The following BRD3 variants were observed in gnomAD, a reference collection of about 807,000 sequenced individuals.
The protein encoded by BRD3 is bromodomain-containing protein 3.
Under a neutral mutation model 66.8 loss-of-function variants are expected in BRD3, and 17 were observed. That is an observed-to-expected ratio of 0.25 (90% CI 0.17 to 0.38). The LOEUF (loss-of-function observed/expected upper bound fraction) is 0.38. Among genes scored for constraint, BRD3 ranks in the 10% least tolerant of loss-of-function variants. The pLI is 1.00. For synonymous variants in BRD3, 421 were observed against 393.2 expected, an observed-to-expected ratio of 1.07 and a Z score of -0.84; for missense variants, 713 against 956.1, an observed-to-expected ratio of 0.75 and a Z score of 3.35.
intron 11 of BRD3, among the ~76,000 whole-genome samples, chr9:134,034,091 G>A: frequency 6.6e-6 from 1 of 152,202 alleles, no homozygotes; most frequent in Non-Finnish European, 1.5e-5. Context: ...AGGGTCATGG[G>A]CCCTGTCTCG....
chr9:134,067,603 G>C lies in BRD3; in HGVS notation c.-114+342C>G, dbSNP rs1830694274. ...GGGCGCGCGGAGGCCGGGCTGGCGC[G>C]GGGCGCGCGGGCCGCGCCAACTCCG... On this transcript the variant is annotated intron_variant, in intron 1 of 11. Coordinates refer to ENST00000303407, the MANE Select transcript of BRD3 (RefSeq NM_007371.4). 3.4e-5 allele frequency among the ~76,000 whole-genome samples: 5 copies of C among 146,926 alleles called. No individual in the cohort carries two copies. In the South Asian group the frequency reaches 1.0e-3, roughly 31 times the overall value.
Position 134,050,435 on chromosome 9 carries a change from G to T in BRD3, c.653C>A (p.Ala218Asp). 1 of 1,612,324 alleles carries T rather than the reference G, an allele frequency of 6.2e-7. No individual in the cohort carries two copies. The change falls in exon 5 of 12, where the codon GCC (alanine) becomes GAC (aspartate). Residue 218 changes from alanine to aspartate, a missense_variant. Transcript: ENST00000303407. ...GATGGGTGTGGCAGGAGGAGGTGGGGCGGCAGCTGGGGGGACTGGGACCGA... is the reference window on the plus strand; with the variant it reads ...GATGGGTGTGGCAGGAGGAGGTGGGTCGGCAGCTGGGGGGACTGGGACCGA... Reference protein sequence around the residue: ...VTSVPVPPAAAPPPPATPIVP... With the variant: ...VTSVPVPPAADPPPPATPIVP...
chr9:134,065,379 G>T (rs1781150831), intron 1 of BRD3, among the ~76,000 whole-genome samples: 1 of 151,622 alleles, frequency 6.6e-6, no homozygotes, highest in Admixed American at 6.6e-5. Context: ...GGCTGAGATC[G>T]TGCCACTGCA....
intron 3 of BRD3, 111 bp downstream of exon 3, chr9:134,052,195 G>A: frequency 7.2e-7 from 1 of 1,391,592 alleles, no homozygotes; most frequent in Non-Finnish European, 9.6e-7. Flanking sequence ...ACCCAGCCAG[G>A]TGAAGCGCTT....
intron 7 of BRD3, 145 bp from the exon 8 acceptor site, chr9:134,042,096 T>C (rs910514169): frequency 3.1e-6 from 3 of 954,610 alleles, no homozygotes; most frequent in South Asian, 3.9e-5. Flanking sequence ...GGGTCCCGCC[T>C]GCCTGGGGGG....
rs745664416 is a variant in BRD3, at chr9:134,033,423, A to G, written c.*167T>C. The G allele has an allele frequency of 8.8e-6, 5 of 570,732 alleles. No individual in the cohort carries two copies. The highest frequency in any genetic ancestry group is 1.6e-5 in the Non-Finnish European group (5 of 318,410). 35.4% of individuals were successfully genotyped at this position (570,732 alleles called of 1,614,324 possible). ...TCTCATCAAGTCTAACGCACACACA[A>G]GATAGATCTCTGACCTATGAAAGCA... On this transcript the variant is annotated 3_prime_UTR_variant, in exon 12 of 12. Transcript: ENST00000303407. This position sits in a 1 kb window ranked among gnomAD's most constrained non-coding sequence, Gnocchi z 5.1.
At chr9:134,060,190 T>G (rs952852968) in intron 1 of BRD3, among the ~76,000 whole-genome samples, 1 of 152,228 alleles carries the variant, frequency 6.6e-6, no homozygotes, top group Non-Finnish European at 1.5e-5. Flanking sequence ...GCAGGCAGCC[T>G]GCCTTAGACA....
chr9:134,039,095 C>T (rs928442536), intron 9 of BRD3, among the ~76,000 whole-genome samples: 1 of 152,120 alleles, frequency 6.6e-6, no homozygotes. Context: ...CAGGGCCTGG[C>T]CATGCCGCCT....
At chr9:134,053,109 G>C (rs1487356452) in intron 2 of BRD3, among the ~76,000 whole-genome samples, 156 bp downstream of exon 2, 1 of 152,228 alleles carries the variant, frequency 6.6e-6, no homozygotes, top group Admixed American at 6.5e-5. Flanking sequence ...GCCCCTGTGC[G>C]CCTCTGTGCT....
At chr9:134,055,971 G>A (rs1830414427) in intron 1 of BRD3, 1 of 152,502 alleles carries the variant, frequency 6.6e-6, no homozygotes, top group Non-Finnish European at 1.5e-5. Flanking sequence ...TCAAACCGGA[G>A]ACTGAGAAGG....
Position 134,032,566 on chromosome 9 carries a change from G to GC in BRD3, c.*1023dup, listed in dbSNP as rs1157186745. 1 of 231,362 alleles carries GC rather than the reference G, an allele frequency of 4.3e-6. No homozygotes were observed. Among genetic ancestry groups the GC allele is most frequent in the Admixed American group, 5.6e-5 (1 of 17,724 alleles). 14.3% of individuals were successfully genotyped at this position (231,362 alleles called of 1,614,324 possible). On this transcript the variant is annotated 3_prime_UTR_variant, in exon 12 of 12. Transcript: ENST00000303407. The stretch of plus-strand genomic sequence containing the variant: ...AGGAGTTAGCACCTGGAGACGACAG[G>GC]CCGCCGCCAGACAGGACCCGCGCCC...
chr9:134,050,113 C>G (rs897041885), intron 5 of BRD3, among the ~76,000 whole-genome samples: 1 of 152,224 alleles, frequency 6.6e-6, no homozygotes, highest in Non-Finnish European at 1.5e-5. Flanking sequence ...AAGCCTTTGG[C>G]CAGGGCTTCT....
rs749704244 is a variant in BRD3 at position 134,045,480 on chromosome 9, C to T, written c.1087-59G>A. 1.2e-4 allele frequency: 188 copies of T among 1,606,262 alleles called. No individual in the cohort carries two copies. The highest frequency in any genetic ancestry group is 5.0e-4 in the Middle Eastern group (3 of 6,060). On this transcript the variant is annotated intron_variant, in intron 6 of 11. Transcript: ENST00000303407. This position sits in a 1 kb window ranked among gnomAD's most constrained non-coding sequence, Gnocchi z 4.8. ...GGCCCGTGGCATCAGGACTCTCTGC[C>T]ACACCCCACGAGATGAACTCTGGAG...
rs750137578 is a variant in BRD3, at chr9:134,033,534, A to T, written c.*56T>A. The T allele has an allele frequency of 2.9e-6, 2 of 695,024 alleles. No homozygotes were observed. The highest frequency in any genetic ancestry group is 2.7e-6 in the Non-Finnish European group (1 of 367,702). The allele number at this position is 695,024 out of a possible 1,614,324, so 43.1% of individuals were successfully genotyped here. A position where few individuals can be genotyped will look rare whatever the true frequency, so the allele number is the denominator to read the frequency against. ...GTAGTAATATGAACCACAGAGGGGTACGGCAGAGTCTCGGCGTGTGCGACA... is the reference window on the plus strand; with the variant it reads ...GTAGTAATATGAACCACAGAGGGGTTCGGCAGAGTCTCGGCGTGTGCGACA... On this transcript the variant is annotated 3_prime_UTR_variant, in exon 12 of 12. Transcript: ENST00000303407. This position sits in a 1 kb window ranked among gnomAD's most constrained non-coding sequence, Gnocchi z 5.1.
intron 1 of BRD3, among the ~76,000 whole-genome samples, chr9:134,062,739 C>T (rs889394310): frequency 2.6e-5 from 4 of 152,326 alleles, no homozygotes; most frequent in East Asian, 3.9e-4. Flanking sequence ...GTTGGCCCCA[C>T]AGACACTGGT....
In BRD3 at chr9:134,051,619, A is replaced by G. The variant is rs959034412; in HGVS notation, c.442T>C (p.Leu148=). 1 of 1,587,370 alleles carries G rather than the reference A, an allele frequency of 6.3e-7. No homozygotes were observed. The highest frequency in any genetic ancestry group is 8.5e-7 in the Non-Finnish European group (1 of 1,171,324). Residue 148 remains leucine (L), a synonymous_variant, in exon 4 of 12, where the codon TTA becomes CTA. Coordinates refer to ENST00000303407, the MANE Select transcript of BRD3 (RefSeq NM_007371.4). ...AQMPQEEVEL[L]PPAPKGKGRK... Reference sequence around the variant, plus strand: ...CCTTTGCCCTTTGGAGCAGGGGGTAATAATTCAACTTCCTCTTGGGGCATC... The same window carrying G: ...CCTTTGCCCTTTGGAGCAGGGGGTAGTAATTCAACTTCCTCTTGGGGCATC...
chr9:134,030,910 T>C lies in BRD3; in HGVS notation c.*2680A>G, dbSNP rs913284950. ...TACTCCTCTCCCCTTGAAAAAAGCA[T>C]GTTAGAAGCTGCCCTACAGGTCTCA... On this transcript the variant is annotated 3_prime_UTR_variant, in exon 12 of 12. Transcript: ENST00000303407. 1 of 230,906 alleles carries C rather than the reference T, an allele frequency of 4.3e-6. No homozygotes were observed. Among genetic ancestry groups the C allele is most frequent in the Admixed American group, 5.7e-5 (1 of 17,686 alleles). The allele number at this position is 230,906 out of a possible 1,614,324, so 14.3% of individuals were successfully genotyped here. A position where few individuals can be genotyped will look rare whatever the true frequency, so the allele number is the denominator to read the frequency against.
intron 1 of BRD3, among the ~76,000 whole-genome samples, chr9:134,063,722 C>T (rs1261844465): frequency 1.3e-5 from 2 of 152,154 alleles, no homozygotes; most frequent in African/African-American, 4.8e-5. Context: ...GCACTGAGGG[C>T]ACTCCCTCTG....
rs148881893 is a variant in BRD3 at position 134,048,149 on chromosome 9, G to C, written c.1020C>G (p.Ala340=). The C allele has an allele frequency of 3.7e-6, 6 of 1,609,352 alleles. No homozygotes were observed. Among genetic ancestry groups the C allele is most frequent in the Non-Finnish European group, 3.4e-6 (4 of 1,178,174 alleles). Residue 340 remains alanine, a synonymous_variant, in exon 6 of 12, where the codon GCC becomes GCG. Transcript: ENST00000303407. The part of the protein sequence containing the change: ...YAWPFYKPVD[A]EALELHDYHD... ...GGTAGTCGTGCAGCTCCAGGGCCTC[G>C]GCATCCACTGGCTTGTAGAAGGGCC... is the stretch of plus-strand genomic sequence containing the variant.
Sources: gnomAD v4.1 joint callset for allele counts (sites outside exome capture counted in the v4.1 genomes callset) on GRCh38, gnomAD v4.1.1 for gene constraint, Gnocchi (gnomAD v3.1) non-coding constraint, MANE v1.5 for transcripts, NCBI Gene and HGNC (gene_info 2026-07-23, HGNC 2026-07-21) for gene names.